The following KCNH8 variants were observed in gnomAD, a reference collection of about 807,000 sequenced individuals.
KCNH8 encodes the protein potassium voltage-gated channel subfamily H member 8, also known as voltage-gated delayed rectifier potassium channel KCNH8.
Under a neutral mutation model 103.6 loss-of-function variants are expected in KCNH8, and 70 were observed. The ratio of observed to expected loss-of-function variants is 0.68; its 90% CI spans 0.56 to 0.82. The LOEUF (loss-of-function observed/expected upper bound fraction) is 0.82, where lower values mean the gene tolerates loss of function less well. KCNH8 is among the 40% of genes least tolerant of loss of function. The pLI, the probability that KCNH8 is intolerant of heterozygous loss-of-function variation, is 0.00. For missense variants in KCNH8, 1,217 were observed against 1,329.9 expected, an observed-to-expected ratio of 0.92 and a Z score of 1.32; for synonymous variants, 498 against 489.4, an observed-to-expected ratio of 1.02 and a Z score of -0.23.
intron 8 of KCNH8, among the ~76,000 whole-genome samples, chr3:19,443,634 T>G (rs2067315339): frequency 6.6e-6 from 1 of 151,718 alleles, no homozygotes; most frequent in Non-Finnish European, 1.5e-5. Flanking sequence ...CAAAACCATG[T>G]GAACTTTGAG....
chr3:19,357,806 A>G lies in KCNH8; in HGVS notation c.811+9841A>G, dbSNP rs2065898741. ...AGTCAAAAAATCACTGAGTTATTTAACAGGACATCTGAAAAAACAGGATAG... is the reference window on the plus strand; with the variant it reads ...AGTCAAAAAATCACTGAGTTATTTAGCAGGACATCTGAAAAAACAGGATAG... On this transcript the variant is annotated intron_variant, in intron 5 of 15. Transcript: ENST00000328405. 3.3e-5 allele frequency among the ~76,000 whole-genome samples: 5 copies of G among 151,944 alleles called. No individual in the cohort carries two copies. The South Asian group carries it at 1.0e-3, about 31-fold the overall frequency.
At chr3:19,163,080 A>T (rs2063249186) in intron 1 of KCNH8, among the ~76,000 whole-genome samples, 2 of 151,928 alleles carry the variant, frequency 1.3e-5, no homozygotes, top group Non-Finnish European at 2.9e-5. Context: ...ACCTTTGAGG[A>T]AAATTACAGG....
chr3:19,293,353 A>C (rs1482946713), intron 3 of KCNH8, among the ~76,000 whole-genome samples: 1 of 152,194 alleles, frequency 6.6e-6, no homozygotes, highest in East Asian at 1.9e-4. Flanking sequence ...CCCTACAAGC[A>C]ATTGTTATTG....
intron 11 of KCNH8, among the ~76,000 whole-genome samples, chr3:19,501,646 C>T (rs971978141): frequency 6.6e-6 from 1 of 152,140 alleles, no homozygotes; most frequent in African/African-American, 2.4e-5. Context: ...AAATGTAATC[C>T]AGCATATAAA....
chr3:19,258,947 CTATA>C (rs71055060), intron 2 of KCNH8, among the ~76,000 whole-genome samples: 1,251 of 24,532 alleles, frequency 0.051, 22 homozygotes, highest in East Asian at 0.081. Context: ...CTCTCTCTCT[CTATA>C]TATATATATA....
intron 7 of KCNH8, among the ~76,000 whole-genome samples, chr3:19,400,803 C>T (rs1053500739): frequency 1.3e-5 from 2 of 151,776 alleles, no homozygotes; most frequent in African/African-American, 4.8e-5. Context: ...ATTTACAAGC[C>T]TTTTGTAAGA....
At chr3:19,478,171 C>A (rs980397702) in intron 11 of KCNH8, among the ~76,000 whole-genome samples, 3 of 152,012 alleles carry the variant, frequency 2.0e-5, no homozygotes, top group Non-Finnish European at 4.4e-5. Context: ...TTCATCTGAT[C>A]CTCCACTGAT....
chr3:19,153,729 T>A lies in KCNH8; in HGVS notation c.76+4934T>A, dbSNP rs371689833. 1.4e-4 allele frequency among the ~76,000 whole-genome samples: 21 copies of A among 150,154 alleles called. No individual in the cohort carries two copies. In the East Asian group the frequency reaches 3.3e-3, roughly 24 times the overall value. Reference sequence around the variant, plus strand: ...CTCACTGAAACCTCCGCCTCCCGGGTTCAAGCAATTCTCTGCCTCAGCCTC... The same window carrying A: ...CTCACTGAAACCTCCGCCTCCCGGGATCAAGCAATTCTCTGCCTCAGCCTC... On this transcript the variant is annotated intron_variant, in intron 1 of 15. Transcript: ENST00000328405.
rs199796239 is a variant in KCNH8 at position 19,515,386 on chromosome 3, G to C, written c.2500G>C (p.Glu834Gln). ...AAGTCAGACTTTTGATTTTGGCTCT[G>C]AACGAATCAGATCAGAGCCCAGAAT... ...EESQTFDFGS[E>Q]RIRSEPRISP... The change falls in exon 14 of 16, where the codon GAA (glutamate) becomes CAA (glutamine). Residue 834 changes from glutamate to glutamine, a missense_variant. Glu to Gln is a conservative substitution (Grantham distance 29). Coordinates refer to ENST00000328405, the MANE Select transcript of KCNH8 (RefSeq NM_144633.3). 3.4e-5 allele frequency: 54 copies of C among 1,583,624 alleles called. No individual in the cohort carries two copies. Among genetic ancestry groups the C allele is most frequent in the Non-Finnish European group, 3.7e-5 (43 of 1,164,970 alleles).
At chr3:19,528,978 T>G (rs80167754) in intron 15 of KCNH8, among the ~76,000 whole-genome samples, 2,377 of 152,068 alleles carry the variant, frequency 0.016, 64 homozygotes, top group African/African-American at 0.053. Flanking sequence ...AAATTAAGTA[T>G]TAAAAGAAGT....
intron 11 of KCNH8, among the ~76,000 whole-genome samples, chr3:19,499,084 G>A (rs1264583650): frequency 6.6e-6 from 1 of 152,186 alleles, no homozygotes; most frequent in East Asian, 1.9e-4. Context: ...CCAATACAGA[G>A]AAGTGCTTAA....
At chr3:19,337,453 T>C (rs186549610) in intron 3 of KCNH8, among the ~76,000 whole-genome samples, 5 of 152,180 alleles carry the variant, frequency 3.3e-5, no homozygotes, top group African/African-American at 1.2e-4. Flanking sequence ...TAAAATGGCT[T>C]ATTAAATTAT....
At chr3:19,519,608 A>G (rs1199919564) in intron 15 of KCNH8, among the ~76,000 whole-genome samples, 1 of 151,298 alleles carries the variant, frequency 6.6e-6, no homozygotes, top group Non-Finnish European at 1.5e-5. Flanking sequence ...CTTAAATCAC[A>G]AAGACTCAGC....
At position 19,390,619 on chromosome 3, in the gene KCNH8, A is replaced by G. The variant is rs1216286989; in HGVS notation, c.950A>G (p.Tyr317Cys). The G allele has an allele frequency of 3.1e-6, 5 of 1,613,124 alleles. No individual in the cohort carries two copies. Among genetic ancestry groups the G allele is most frequent in the Non-Finnish European group, 4.2e-6 (5 of 1,179,528 alleles). Reference protein sequence around the residue: ...LIAALPFDLLYAFNVTVVSLV... With the variant: ...LIAALPFDLLCAFNVTVVSLV... The stretch of plus-strand genomic sequence containing the variant: ...GCTGCCCTGCCTTTTGATCTTCTGT[A>G]TGCTTTCAACGTCACAGTGGTGAGT... Residue 317 changes from tyrosine (Y) to cysteine (C), a missense_variant, in exon 6 of 16, where the codon TAT becomes TGT. Transcript: ENST00000328405.
chr3:19,406,735 T>C (rs760256003), intron 7 of KCNH8, among the ~76,000 whole-genome samples: 1 of 152,132 alleles, frequency 6.6e-6, no homozygotes, highest in South Asian at 2.1e-4. Flanking sequence ...GAAAGGACTT[T>C]AGAGATAATA....
intron 5 of KCNH8, among the ~76,000 whole-genome samples, chr3:19,387,440 G>A (rs1315241180): frequency 6.6e-6 from 1 of 152,140 alleles, no homozygotes; most frequent in African/African-American, 2.4e-5. Context: ...TTGTTAAAAT[G>A]CAAGTGATAG....
chr3:19,243,799 CAGTTTGAA>C (rs1314714275), intron 1 of KCNH8, among the ~76,000 whole-genome samples: 1 of 152,010 alleles, frequency 6.6e-6, no homozygotes, highest in Non-Finnish European at 1.5e-5. Context: ...CTGTTCCAGT[CAGTTTGAA>C]ATTAAAAAGA....
chr3:19,226,954 G>A (rs369542797), intron 1 of KCNH8, among the ~76,000 whole-genome samples: 6 of 152,180 alleles, frequency 3.9e-5, no homozygotes, highest in Admixed American at 3.9e-4. Context: ...TAGACCTCAA[G>A]ACTTAGGGTC....
chr3:19,339,960 A>G (rs1261390242), intron 3 of KCNH8, among the ~76,000 whole-genome samples: 2 of 152,096 alleles, frequency 1.3e-5, no homozygotes, highest in Non-Finnish European at 2.9e-5. Flanking sequence ...CTGTGTGTGG[A>G]AAGAAGAGGG....
Sources: allele counts gnomAD v4.1 joint callset (sites outside exome capture counted in the v4.1 genomes callset), GRCh38; gene constraint gnomAD v4.1.1; transcripts MANE v1.5; gene names NCBI Gene and HGNC (gene_info 2026-07-23, HGNC 2026-07-21).